Variants in COX5B observed in about 807,000 individuals in gnomAD.
COX5B encodes the protein cytochrome c oxidase subunit 5B, also known as cytochrome c oxidase subunit 5B, mitochondrial.
In COX5B, 8 loss-of-function variants were observed where a neutral mutation model predicts 16.2. That is an observed-to-expected ratio of 0.49 (90% confidence interval 0.29 to 0.89). The LOEUF is 0.89. Ranked by LOEUF, COX5B falls within the 40% of genes least tolerant of loss-of-function variation. The pLI is 0.08. For synonymous variants in COX5B, 65 were observed against 67.6 expected (o/e 0.96, Z 0.19); for missense variants, 161 against 168.7 (o/e 0.95, Z 0.25).
Position 97,646,194 on chromosome 2 carries a change from T to C in COX5B, c.103+5T>C. The C allele has an allele frequency of 2.0e-6, 3 of 1,535,824 alleles. No individual in the cohort carries two copies. The highest frequency in any genetic ancestry group is 2.6e-6 in the Non-Finnish European group (3 of 1,137,122). ...TGCGCTCCATGGCATCTGGAGGTAC[T>C]CGGGTCTCCGGGCGTGCCAGGGACC... On this transcript the variant is annotated splice_donor_5th_base_variant and intron_variant, in intron 1 of 3. Coordinates refer to ENST00000258424, the MANE Select transcript of COX5B (RefSeq NM_001862.3).
rs1293079456 is a variant in COX5B at position 97,647,024 on chromosome 2, A to G, written c.104-43A>G. 4.4e-6 allele frequency: 7 copies of G among 1,582,660 alleles called. No homozygotes were observed. The Admixed American group carries it at 5.0e-5, about 11-fold the overall frequency. On this transcript the variant is annotated intron_variant, in intron 1 of 3. Transcript: ENST00000258424. ...CATTTCTGTTTGTAGTTTTTCTATC[A>G]GTCATTTCAGTCAGCGTCATAATTC...
Position 97,647,461 on chromosome 2 carries a change from A to AT in COX5B, c.277+24dup, listed in dbSNP as rs1559285044. 2.5e-6 allele frequency: 4 copies of AT among 1,586,696 alleles called. No individual in the cohort carries two copies. The African/African-American group carries it at 5.4e-5, about 21-fold the overall frequency. ...CTGCATCTGTAAGTACCTCACCTCT[A>AT]TTTTTTATCCACTTGCTTAATATAT... On this transcript the variant is annotated intron_variant, in intron 3 of 3. Coordinates refer to ENST00000258424, the MANE Select transcript of COX5B (RefSeq NM_001862.3).
In COX5B at chr2:97,646,103, T is replaced by C. The variant is rs1674647340; in HGVS notation, c.17T>C (p.Leu6Pro). The change falls in exon 1 of 4, where the codon CTT (leucine) becomes CCT (proline). Residue 6 changes from leucine to proline, a missense_variant. Leu to Pro is a moderately conservative substitution (Grantham distance 98). Transcript: ENST00000258424. ...GCGGACGCAATGGCTTCAAGGTTAC[T>C]TCGCGGAGCTGGAACGCTGGCCGCG... is the stretch of plus-strand genomic sequence containing the variant. MASRL[L>P]RGAGTLAAQA... 1 of 1,556,336 alleles carries C rather than the reference T, an allele frequency of 6.4e-7. No homozygotes were observed. The highest frequency in any genetic ancestry group is 8.7e-7 in the Non-Finnish European group (1 of 1,149,660).
In COX5B at chr2:97,647,152, C is replaced by G; in HGVS notation, c.177+12C>G. 1.2e-6 allele frequency: 2 copies of G among 1,613,132 alleles called. No homozygotes were observed. The highest frequency in any genetic ancestry group is 1.7e-6 in the Non-Finnish European group (2 of 1,179,168). On this transcript the variant is annotated intron_variant, in intron 2 of 3. Coordinates refer to ENST00000258424, the MANE Select transcript of COX5B (RefSeq NM_001862.3). Reference sequence around the variant, plus strand: ...CAAAGAAGGGACTGGTAAGGAGAAACTCCCTTCTGTGTCTTCTGTGTAACT... The same window carrying G: ...CAAAGAAGGGACTGGTAAGGAGAAAGTCCCTTCTGTGTCTTCTGTGTAACT...
Position 97,647,051 on chromosome 2 carries a change from C to T in COX5B, c.104-16C>T, listed in dbSNP as rs759375557. 6.2e-7 allele frequency: 1 copy of T among 1,612,880 alleles called. No individual in the cohort carries two copies. Among genetic ancestry groups the T allele is most frequent in the Non-Finnish European group, 8.5e-7 (1 of 1,178,984 alleles). On this transcript the variant is annotated splice_polypyrimidine_tract_variant and intron_variant, in intron 1 of 3. Coordinates refer to ENST00000258424, the MANE Select transcript of COX5B (RefSeq NM_001862.3). Reference sequence around the variant, plus strand: ...TCATTTCAGTCAGCGTCATAATTCACGTTATCTTCCTTTAGGTGGTGTTCC... The same window carrying T: ...TCATTTCAGTCAGCGTCATAATTCATGTTATCTTCCTTTAGGTGGTGTTCC...
At position 97,648,148 on chromosome 2, in the gene COX5B, C is replaced by T. The variant is rs1186097225; in HGVS notation, c.*40C>T. Reference sequence around the variant, plus strand: ...TTACTCAAAATGTGCTGTAAAGTTTCTTCTTTCCAGTAAAGACTAGCCATT... The same window carrying T: ...TTACTCAAAATGTGCTGTAAAGTTTTTTCTTTCCAGTAAAGACTAGCCATT... On this transcript the variant is annotated 3_prime_UTR_variant, in exon 4 of 4. Coordinates refer to ENST00000258424, the MANE Select transcript of COX5B (RefSeq NM_001862.3). 1 of 1,518,470 alleles carries T rather than the reference C, an allele frequency of 6.6e-7. No individual in the cohort carries two copies. Among genetic ancestry groups the T allele is most frequent in the Non-Finnish European group, 8.9e-7 (1 of 1,124,110 alleles). 94.1% of individuals were successfully genotyped at this position (1,518,470 alleles called of 1,614,324 possible). A position where few individuals can be genotyped will look rare whatever the true frequency, so the allele number is the denominator to read the frequency against.
intron 3 of COX5B, 123 bp from the exon 4 acceptor site, chr2:97,647,873 G>A: frequency 1.2e-6 from 1 of 852,060 alleles, no homozygotes; most frequent in African/African-American, 1.7e-5. Flanking sequence ...GGCTTGAACT[G>A]ATCTCTTAAG....
Position 97,648,341 on chromosome 2 carries a change from G to C in COX5B, c.*233G>C, listed in dbSNP as rs1183137120. ...AGTGCTTAGATTAATAATAAGAATA[G>C]ATCGACAACCCGTAATGCAATGAAT... On this transcript the variant is annotated 3_prime_UTR_variant, in exon 4 of 4. Coordinates refer to ENST00000258424, the MANE Select transcript of COX5B (RefSeq NM_001862.3). 6.8e-6 allele frequency: 3 copies of C among 443,908 alleles called. No homozygotes were observed. The highest frequency in any genetic ancestry group is 6.2e-5 in the African/African-American group (3 of 48,558). The allele number at this position is 443,908 out of a possible 1,614,324, so 27.5% of individuals were successfully genotyped here.
rs1674670957 is a variant in COX5B at position 97,647,086 on chromosome 2, A to C, written c.123A>C (p.Glu41Asp). The C allele has an allele frequency of 1.9e-6, 3 of 1,614,174 alleles. No homozygotes were observed. Among genetic ancestry groups the C allele is most frequent in the Non-Finnish European group, 2.5e-6 (3 of 1,180,020 alleles). ...CTTTAGGTGGTGTTCCCACTGATGAAGAGCAGGCGACTGGGTTGGAGAGGG... is the reference window on the plus strand; with the variant it reads ...CTTTAGGTGGTGTTCCCACTGATGACGAGCAGGCGACTGGGTTGGAGAGGG... ...MASGGGVPTD[E>D]EQATGLEREI... Residue 41 changes from glutamate to aspartate, a missense_variant, in exon 2 of 4, where the codon GAA becomes GAC. Transcript: ENST00000258424.
At chr2:97,647,163 GTCT>G in intron 2 of COX5B, 23 bp downstream of exon 2, 1 of 1,611,196 alleles carries the variant, frequency 6.2e-7, no homozygotes, top group Non-Finnish European at 8.5e-7. Context: ...TCCCTTCTGT[GTCT>G]TCTGTGTAAC....
Position 97,648,281 on chromosome 2 carries a change from G to A in COX5B, c.*173G>A. On this transcript the variant is annotated 3_prime_UTR_variant, in exon 4 of 4. Transcript: ENST00000258424. ...AAAAGCTGTCTGTTAATGCTAGCTTGCCATCCACTTACTGAAAGTGTATAA... is the reference window on the plus strand; with the variant it reads ...AAAAGCTGTCTGTTAATGCTAGCTTACCATCCACTTACTGAAAGTGTATAA... 1 of 602,238 alleles carries A rather than the reference G, an allele frequency of 1.7e-6. No homozygotes were observed. The highest frequency in any genetic ancestry group is 2.9e-6 in the Non-Finnish European group (1 of 345,182). The allele number at this position is 602,238 out of a possible 1,614,324, so 37.3% of individuals were successfully genotyped here. A position where few individuals can be genotyped will look rare whatever the true frequency, so the allele number is the denominator to read the frequency against.
At position 97,647,351 on chromosome 2, in the gene COX5B, A is replaced by G. The variant is rs1276785184; in HGVS notation, c.185A>G (p.Tyr62Cys). The G allele has an allele frequency of 1.2e-6, 2 of 1,613,668 alleles. No homozygotes were observed. Among genetic ancestry groups the G allele is most frequent in the South Asian group, 1.1e-5 (1 of 90,996 alleles). ...TTTTTGTTTTTTCTTCAGGACCCAT[A>G]CAATGTACTGGCCCCAAAGGGAGCT... ...MLAAKKGLDP[Y>C]NVLAPKGASG... Residue 62 changes from tyrosine to cysteine, a missense_variant, in exon 3 of 4, where the codon TAC (tyrosine) becomes TGC (cysteine). Transcript: ENST00000258424.
intron 1 of COX5B, chr2:97,646,864 A>C: frequency 2.1e-6 from 1 of 470,520 alleles, no homozygotes; most frequent in Admixed American, 3.3e-5. Flanking sequence ...AGAAAAAAAA[A>C]GCTCCCCCGA....
At chr2:97,646,247 A>T in intron 1 of COX5B, 58 bp downstream of exon 1, 2 of 1,236,602 alleles carry the variant, frequency 1.6e-6, no homozygotes, top group African/African-American at 1.5e-5. Flanking sequence ...GGGTGGTCCC[A>T]GGGCGGCAAA....
chr2:97,646,704 C>A, intron 1 of COX5B: 1 of 221,230 alleles, frequency 4.5e-6, no homozygotes, highest in East Asian at 1.1e-4. Flanking sequence ...AAAAATTAGC[C>A]GGGCGTGGTG....
Position 97,646,189 on chromosome 2 carries a change from G to C in COX5B, c.103G>C (p.Gly35Arg). The C allele has an allele frequency of 1.9e-6, 3 of 1,539,290 alleles. No individual in the cohort carries two copies. Among genetic ancestry groups the C allele is most frequent in the Non-Finnish European group, 2.6e-6 (3 of 1,139,488 alleles). The change falls in exon 1 of 4, where the codon GGT becomes CGT. Residue 35 changes from glycine to arginine, a missense_variant and splice_region_variant. Gly to Arg is a moderately radical substitution (Grantham distance 125). Coordinates refer to ENST00000258424, the MANE Select transcript of COX5B (RefSeq NM_001862.3). ...CGCGATGCGCTCCATGGCATCTGGA[G>C]GTACTCGGGTCTCCGGGCGTGCCAG... ...AAAMRSMASG[G>R]GVPTDEEQAT...
At chr2:97,646,840 C>G (rs1674665557) in intron 1 of COX5B, 1 of 412,750 alleles carries the variant, frequency 2.4e-6, no homozygotes, top group Non-Finnish European at 4.5e-6. Flanking sequence ...AAGAGCAAAA[C>G]TCCGTCTCAA....
chr2:97,648,163 G>A lies in COX5B; in HGVS notation c.*55G>A. ...TGTAAAGTTTCTTCTTTCCAGTAAA[G>A]ACTAGCCATTGCATTGGCTCCTTCT... On this transcript the variant is annotated 3_prime_UTR_variant, in exon 4 of 4. Coordinates refer to ENST00000258424, the MANE Select transcript of COX5B (RefSeq NM_001862.3). 1 of 1,427,742 alleles carries A rather than the reference G, an allele frequency of 7.0e-7. No homozygotes were observed. Among genetic ancestry groups the A allele is most frequent in the East Asian group, 2.4e-5 (1 of 40,930 alleles). The allele number at this position is 1,427,742 out of a possible 1,614,324, so 88.4% of individuals were successfully genotyped here. A position where few individuals can be genotyped will look rare whatever the true frequency, so the allele number is the denominator to read the frequency against.
In COX5B at chr2:97,647,345, AC is replaced by A; in HGVS notation, c.182del (p.Pro61HisfsTer19). The A allele has an allele frequency of 1.9e-6, 3 of 1,612,360 alleles. No homozygotes were observed. Among genetic ancestry groups the A allele is most frequent in the Non-Finnish European group, 2.5e-6 (3 of 1,179,392 alleles). On this transcript the variant is annotated frameshift_variant and splice_region_variant, in exon 3 of 4. Coordinates refer to ENST00000258424, the MANE Select transcript of COX5B (RefSeq NM_001862.3). LOFTEE classifies it high-confidence loss of function. ...EIMLAAKKGL[D>X]PYNVLAPKGA... ...TTTTGTTTTTTGTTTTTTCTTCAGGACCCATACAATGTACTGGCCCCAAAGG... is the reference window on the plus strand; with the variant it reads ...TTTTGTTTTTTGTTTTTTCTTCAGGACCATACAATGTACTGGCCCCAAAGG...
Sources: allele counts gnomAD v4.1 joint callset, GRCh38; gene constraint gnomAD v4.1.1; transcripts MANE v1.5; gene names NCBI Gene and HGNC (gene_info 2026-07-23, HGNC 2026-07-21).